ALDH1A2: variants seen among roughly 807,000 people sequenced by gnomAD.
ALDH1A2 encodes the protein aldehyde dehydrogenase 1 family member A2.
A neutral mutation model predicts 60.3 loss-of-function variants in ALDH1A2; 27 were observed. The observed-to-expected ratio is 0.45, with a 90% CI of 0.33 to 0.62. ALDH1A2 has a LOEUF of 0.62. ALDH1A2 is among the 20% of genes least tolerant of loss of function. The pLI is 0.02. For missense variants in ALDH1A2, 581 were observed against 643.8 expected (o/e 0.90, Z 1.06); for synonymous variants, 289 against 232.4 (o/e 1.24, Z -2.21).
intron 1 of ALDH1A2, among the ~76,000 whole-genome samples, chr15:58,034,842 T>C (rs997376826): frequency 6.6e-6 from 1 of 151,662 alleles, no homozygotes; most frequent in African/African-American, 2.4e-5. Flanking sequence ...TGGTGTATAA[T>C]TCTTTTTATA....
At chr15:58,055,995 T>C (rs550613132) in intron 1 of ALDH1A2, among the ~76,000 whole-genome samples, 4 of 152,230 alleles carry the variant, frequency 2.6e-5, no homozygotes, top group South Asian at 2.1e-4. Context: ...TCAATTTATC[T>C]TGACCCTTCA....
intron 12 of ALDH1A2, among the ~76,000 whole-genome samples, chr15:57,959,102 T>C (rs1357759102): frequency 1.3e-5 from 2 of 152,140 alleles, no homozygotes; most frequent in Non-Finnish European, 2.9e-5. Flanking sequence ...TGAGGGACCA[T>C]GGATTAGCCT....
At chr15:58,063,652 C>T (rs1254004427) in intron 1 of ALDH1A2, among the ~76,000 whole-genome samples, 2 of 152,110 alleles carry the variant, frequency 1.3e-5, no homozygotes, top group East Asian at 1.9e-4. Flanking sequence ...CTCACAGATA[C>T]CTGATTTTAC....
intron 7 of ALDH1A2, chr15:57,980,310 C>A: frequency 2.4e-6 from 1 of 418,160 alleles, no homozygotes; most frequent in South Asian, 2.1e-5. Context: ...TTCCCACTCT[C>A]AAACAGGTTG....
chr15:58,049,329 C>G (rs1303873816), intron 1 of ALDH1A2, among the ~76,000 whole-genome samples: 1 of 152,042 alleles, frequency 6.6e-6, no homozygotes, highest in East Asian at 1.9e-4. Flanking sequence ...TTAGATGTGT[C>G]ATTTAAACTT....
At chr15:58,012,322 T>C (rs2140516452) in intron 3 of ALDH1A2, among the ~76,000 whole-genome samples, 1 of 152,286 alleles carries the variant, frequency 6.6e-6, no homozygotes, top group African/African-American at 2.4e-5. Flanking sequence ...TGTGCCCTCA[T>C]TTGCCATTTA....
intron 4 of ALDH1A2, among the ~76,000 whole-genome samples, chr15:58,000,047 C>T (rs1374227330): frequency 6.6e-6 from 1 of 151,748 alleles, no homozygotes; most frequent in Non-Finnish European, 1.5e-5. Flanking sequence ...GACATTGGCA[C>T]CTTTCTGGGG....
chr15:58,014,091 A>C, intron 2 of ALDH1A2, 86 bp downstream of exon 2: 1 of 1,613,964 alleles, frequency 6.2e-7, no homozygotes, highest in Non-Finnish European at 8.5e-7. Flanking sequence ...ATGAGCATGT[A>C]GTGGTGTACT....
chr15:57,981,630 A>G (rs1212253086), intron 7 of ALDH1A2, among the ~76,000 whole-genome samples: 1 of 152,212 alleles, frequency 6.6e-6, no homozygotes, highest in African/African-American at 2.4e-5. Context: ...CAATTCGCCA[A>G]AAGTCACACA....
At chr15:58,061,637 C>T (rs934296808) in intron 1 of ALDH1A2, among the ~76,000 whole-genome samples, 4 of 94,980 alleles carry the variant, frequency 4.2e-5, no homozygotes, top group Admixed American at 2.0e-4. Flanking sequence ...CGGAACAAAA[C>T]GATGAAAAAA....
intron 1 of ALDH1A2, among the ~76,000 whole-genome samples, chr15:58,030,814 C>T (rs1442417128): frequency 6.6e-6 from 1 of 151,960 alleles, no homozygotes; most frequent in East Asian, 1.9e-4. Flanking sequence ...CCTAGGAATC[C>T]AATTTACAAG....
At chr15:57,961,327 C>A in intron 10 of ALDH1A2, 33 bp from the exon 11 acceptor site, 1 of 1,609,882 alleles carries the variant, frequency 6.2e-7, no homozygotes, top group Non-Finnish European at 8.5e-7. Context: ...AACATGGTTG[C>A]TCTGTCATTC....
At chr15:58,039,937 T>C (rs550879612) in intron 1 of ALDH1A2, among the ~76,000 whole-genome samples, 1 of 151,860 alleles carries the variant, frequency 6.6e-6, no homozygotes, top group Admixed American at 6.6e-5. Context: ...TTGGAAGATA[T>C]AAAAAAGTAA....
At chr15:58,064,545 T>A (rs978180538) in intron 1 of ALDH1A2, among the ~76,000 whole-genome samples, 8 of 152,242 alleles carry the variant, frequency 5.3e-5, no homozygotes, top group African/African-American at 1.9e-4. Context: ...ACCATATGCA[T>A]GTGCGTCTAT....
At chr15:57,964,378 G>T (rs190170803) in intron 8 of ALDH1A2, 124 of 287,662 alleles carry the variant, frequency 4.3e-4, no homozygotes, top group African/African-American at 2.4e-3. Context: ...GTATGAGTCT[G>T]CCAGGTGGTA....
At chr15:57,957,427 T>C (rs1411160842) in intron 12 of ALDH1A2, among the ~76,000 whole-genome samples, 2 of 152,186 alleles carry the variant, frequency 1.3e-5, no homozygotes, top group African/African-American at 4.8e-5. Context: ...GGAAACATGC[T>C]CAGAGGTCAT....
intron 7 of ALDH1A2, chr15:57,990,353 A>G (rs575285639): frequency 2.2e-4 from 33 of 152,334 alleles, no homozygotes; most frequent in African/African-American, 7.7e-4. Context: ...ATTTACAAGT[A>G]AAATTTTTCT....
chr15:58,061,290 C>A (rs1897026123), intron 1 of ALDH1A2, among the ~76,000 whole-genome samples: 1 of 150,640 alleles, frequency 6.6e-6, no homozygotes, highest in Non-Finnish European at 1.5e-5. Flanking sequence ...AAAAAAAAAA[C>A]CTGAAGTCCT....
rs1001564274 is a variant in ALDH1A2, at chr15:58,021,684, C to G, written c.118-7403G>C. The stretch of plus-strand genomic sequence containing the variant: ...AACCTAGCCTTTGACAAACGTCGTG[C>G]TGTCCTGGGGCCCAGCAGTTCCAGG... On this transcript the variant is annotated intron_variant, in intron 1 of 12. Transcript: ENST00000249750. Among the ~76,000 whole-genome samples the G allele has an allele frequency of 2.0e-5, 3 of 152,260 alleles. No homozygotes were observed. The South Asian group carries it at 6.2e-4, about 31-fold the overall frequency.
Sources: gnomAD v4.1 joint callset for allele counts (sites outside exome capture counted in the v4.1 genomes callset) on GRCh38, gnomAD v4.1.1 for gene constraint, MANE v1.5 for transcripts, NCBI Gene and HGNC (gene_info 2026-07-23, HGNC 2026-07-21) for gene names.